The following KRT75 variants were observed in gnomAD, a reference collection of about 807,000 sequenced individuals.
KRT75 encodes keratin, type II cytoskeletal 75.
A neutral mutation model predicts 48.8 loss-of-function variants in KRT75; 35 were observed. The ratio of observed to expected loss-of-function variants is 0.72; its 90% CI spans 0.55 to 0.95. The LOEUF (loss-of-function observed/expected upper bound fraction) is 0.95. KRT75 is among the 40% of genes least tolerant of loss of function. The pLI is 0.00. For missense variants in KRT75, 776 were observed against 709.9 expected, an observed-to-expected ratio of 1.09 and a Z score of -1.06; for synonymous variants, 301 against 282.3, an observed-to-expected ratio of 1.07 and a Z score of -0.66.
chr12:52,432,615 C>A (rs1940159291), intron 2 of KRT75, among the ~76,000 whole-genome samples: 1 of 152,162 alleles, frequency 6.6e-6, no homozygotes, highest in Non-Finnish European at 1.5e-5. Context: ...AAGTTTCCCC[C>A]CACAAGAAAA....
At chr12:52,428,785 T>C in intron 5 of KRT75, 42 bp from the exon 6 acceptor site, 1 of 1,612,908 alleles carries the variant, frequency 6.2e-7, no homozygotes, top group Non-Finnish European at 8.5e-7. Flanking sequence ...GTCAAATGCC[T>C]GGCCCAGGCA....
intron 5 of KRT75, among the ~76,000 whole-genome samples, chr12:52,429,213 C>T (rs1253687381): frequency 6.6e-6 from 1 of 152,122 alleles, no homozygotes; most frequent in Non-Finnish European, 1.5e-5. Context: ...ATCAAGGTCC[C>T]TGGGTAGTTC....
intron 8 of KRT75, 104 bp from the exon 9 acceptor site, chr12:52,424,859 C>T (rs1270157178): frequency 2.2e-6 from 2 of 900,504 alleles, no homozygotes; most frequent in Admixed American, 1.7e-5. Context: ...AGGGGGTGGT[C>T]TCGTCAGCCA....
intron 1 of KRT75, among the ~76,000 whole-genome samples, chr12:52,433,535 T>C (rs781443791): frequency 6.6e-6 from 1 of 152,136 alleles, no homozygotes; most frequent in Non-Finnish European, 1.5e-5. Flanking sequence ...GGTAGTTTGC[T>C]GAGCAGCAAC....
intron 8 of KRT75, 97 bp downstream of exon 8, chr12:52,426,720 C>T: frequency 8.0e-7 from 1 of 1,255,452 alleles, no homozygotes; most frequent in South Asian, 1.2e-5. Context: ...GAGATCCCGT[C>T]TAACCCGTCA....
At chr12:52,427,131 A>G (rs1036162967) in intron 7 of KRT75, among the ~76,000 whole-genome samples, 1 of 152,202 alleles carries the variant, frequency 6.6e-6, no homozygotes, top group African/African-American at 2.4e-5. Context: ...TGCCTTAAGG[A>G]AATTAAAAGT....
intron 5 of KRT75, 22 bp downstream of exon 5, chr12:52,430,519 T>C: frequency 6.2e-7 from 1 of 1,612,920 alleles, no homozygotes; most frequent in African/African-American, 1.3e-5. Context: ...CTGGAACCTC[T>C]CATGGAGGTG....
At chr12:52,433,672 C>G (rs970089550) in intron 1 of KRT75, 135 bp downstream of exon 1, 2 of 1,395,008 alleles carry the variant, frequency 1.4e-6, no homozygotes, top group African/African-American at 1.4e-5. Context: ...AGGGTCTCAG[C>G]CCCTGGGAGC....
Position 52,432,052 on chromosome 12 carries a change from AT to A in KRT75, c.727del (p.Ile243LeufsTer12). The A allele has an allele frequency of 6.2e-7, 1 of 1,614,102 alleles. No homozygotes were observed. The highest frequency in any genetic ancestry group is 8.5e-7 in the Non-Finnish European group (1 of 1,180,002). ...ATTCTCAGCAGCTGTGCGCTTGTTA[AT>A]TTCATCTTCGTACCTATAAGGACAG... ...EDFKVRYEDE[I>X]NKRTAAENEF... is the part of the protein sequence containing the mutation. On this transcript the variant is annotated frameshift_variant, in exon 3 of 9. Transcript: ENST00000252245. LOFTEE classifies it high-confidence loss of function.
At chr12:52,428,867 C>T in intron 5 of KRT75, 124 bp from the exon 6 acceptor site, 2 of 1,169,400 alleles carry the variant, frequency 1.7e-6, no homozygotes, top group African/African-American at 1.5e-5. Context: ...CACTCATTCC[C>T]CCTGAAGCTT....
At chr12:52,427,180 C>T (rs1940085379) in intron 7 of KRT75, among the ~76,000 whole-genome samples, 1 of 152,152 alleles carries the variant, frequency 6.6e-6, no homozygotes, top group South Asian at 2.1e-4. Flanking sequence ...AGGGCCTGTC[C>T]TATAATAAGA....
rs543976973 is a variant in KRT75, at chr12:52,430,389, T to A, written c.1035+152A>T. ...GTGTCTGGTTCGGTTTCCACATGCA[T>A]TTCAAGCTAAGTTGTCATAGCATCA... On this transcript the variant is annotated intron_variant, in intron 5 of 8. Transcript: ENST00000252245. The A allele has an allele frequency of 4.8e-6, 4 of 840,736 alleles. No individual in the cohort carries two copies. The Admixed American group carries it at 7.7e-5, about 16-fold the overall frequency. 52.1% of individuals were successfully genotyped at this position (840,736 alleles called of 1,614,324 possible). A position where few individuals can be genotyped will look rare whatever the true frequency, so the allele number is the denominator to read the frequency against.
chr12:52,429,845 A>G (rs1343225220), intron 5 of KRT75, among the ~76,000 whole-genome samples: 2 of 152,150 alleles, frequency 1.3e-5, no homozygotes, highest in Non-Finnish European at 2.9e-5. Context: ...TTTGACAGGG[A>G]GCTGGTATCA....
At chr12:52,425,689 G>C (rs376628639) in intron 8 of KRT75, among the ~76,000 whole-genome samples, 1 of 152,206 alleles carries the variant, frequency 6.6e-6, no homozygotes, top group South Asian at 2.1e-4. Context: ...TGCTGCCTCC[G>C]TGTTCCAGAA....
chr12:52,424,262 C>A lies in KRT75; in HGVS notation c.*255G>T, dbSNP rs1171184158. On this transcript the variant is annotated 3_prime_UTR_variant, in exon 9 of 9. Transcript: ENST00000252245. ...GGACTTTCCAGCTGCCCGGGCCTCG[C>A]AAGATAGGCTGAATGAGAGCCTTAG... The A allele has an allele frequency of 1.8e-5, 10 of 558,380 alleles. No homozygotes were observed. The East Asian group carries it at 2.8e-4, about 16-fold the overall frequency. 34.6% of individuals were successfully genotyped at this position (558,380 alleles called of 1,614,324 possible).
At chr12:52,426,628 C>A (rs932041393) in intron 8 of KRT75, among the ~76,000 whole-genome samples, 189 bp downstream of exon 8, 2 of 152,202 alleles carry the variant, frequency 1.3e-5, no homozygotes, top group African/African-American at 4.8e-5. Flanking sequence ...GAGGAAAGAA[C>A]TGTGACATTA....
intron 4 of KRT75, 30 bp from the exon 5 acceptor site, chr12:52,430,735 G>C: frequency 6.2e-7 from 1 of 1,613,604 alleles, no homozygotes; most frequent in Non-Finnish European, 8.5e-7. Context: ...GCATCACCAA[G>C]GCATAAGATG....
rs115754978 is a variant in KRT75, at chr12:52,433,716, T to C, written c.498+91A>G. The C allele has an allele frequency of 6.5e-4, 1,028 of 1,574,228 alleles. 3 individuals are homozygous for C. In the African/African-American group the frequency reaches 0.013, roughly 20 times the overall value. ...AACAGTGCTCATTCCCACAGTGGGGTCATTGCATTATTGCTCTCCCCCCAT... is the reference window on the plus strand; with the variant it reads ...AACAGTGCTCATTCCCACAGTGGGGCCATTGCATTATTGCTCTCCCCCCAT... On this transcript the variant is annotated intron_variant, in intron 1 of 8. Coordinates refer to ENST00000252245, the MANE Select transcript of KRT75 (RefSeq NM_004693.3).
intron 8 of KRT75, among the ~76,000 whole-genome samples, chr12:52,425,563 G>A (rs1172755938): frequency 6.6e-6 from 1 of 152,170 alleles, no homozygotes; most frequent in East Asian, 1.9e-4. Flanking sequence ...ACAGGGACAC[G>A]GTCATACAAT....
Sources: gnomAD v4.1 joint callset for allele counts (sites outside exome capture counted in the v4.1 genomes callset) on GRCh38, gnomAD v4.1.1 for gene constraint, MANE v1.5 for transcripts, NCBI Gene and HGNC (gene_info 2026-07-23, HGNC 2026-07-21) for gene names.